The following CALN1 variants were observed in gnomAD, a reference collection of about 807,000 sequenced individuals.
CALN1 encodes the protein calcium-binding protein 8.
CALN1 carries 17 observed loss-of-function variants against 30.6 expected under a neutral mutation model. That is an observed-to-expected ratio of 0.56 (90% CI 0.38 to 0.83). The LOEUF is 0.83. Ranked by LOEUF, CALN1 falls within the 40% of genes least tolerant of loss-of-function variation. The pLI is 0.00. For missense variants in CALN1, 291 were observed against 354.9 expected, an observed-to-expected ratio of 0.82 and a Z score of 1.45; for synonymous variants, 156 against 131.4, an observed-to-expected ratio of 1.19 and a Z score of -1.28.
intron 2 of CALN1, among the ~76,000 whole-genome samples, chr7:72,373,112 T>C (rs1186007184): frequency 1.3e-5 from 2 of 152,054 alleles, no homozygotes; most frequent in African/African-American, 4.8e-5. Flanking sequence ...ATAACCAAAA[T>C]TTAAAAAACA....
At chr7:72,411,792 A>G (rs1042359519) in intron 1 of CALN1, among the ~76,000 whole-genome samples, 2 of 149,418 alleles carry the variant, frequency 1.3e-5, no homozygotes, top group Admixed American at 6.6e-5. Flanking sequence ...TAAAGTAATT[A>G]CTCTTTTAAA....
intron 2 of CALN1, among the ~76,000 whole-genome samples, chr7:72,391,797 G>T (rs954324531): frequency 6.6e-6 from 1 of 152,060 alleles, no homozygotes. Context: ...CACACCCCCA[G>T]CCACATGGAA....
At chr7:72,314,979 T>TCCA (rs1332834906) in intron 2 of CALN1, among the ~76,000 whole-genome samples, 1 of 97,290 alleles carries the variant, frequency 1.0e-5, no homozygotes, top group Non-Finnish European at 1.9e-5. Flanking sequence ...GACCCATCTC[T>TCCA]ACAAAAAAAA....
At chr7:72,262,862 C>A (rs1796356823) in intron 3 of CALN1, among the ~76,000 whole-genome samples, 1 of 152,178 alleles carries the variant, frequency 6.6e-6, no homozygotes, top group Non-Finnish European at 1.5e-5. Context: ...ACAGCCACTG[C>A]GATACAAAGT....
intron 2 of CALN1, among the ~76,000 whole-genome samples, chr7:72,341,847 T>C (rs1053929701): frequency 5.9e-5 from 9 of 152,174 alleles, no homozygotes; most frequent in Admixed American, 6.5e-5. Context: ...CAATAAATGT[T>C]GGCTGTTGTT....
At chr7:71,828,268 C>A (rs533546956) in intron 5 of CALN1, among the ~76,000 whole-genome samples, 11 of 152,154 alleles carry the variant, frequency 7.2e-5, no homozygotes, top group Admixed American at 1.3e-4. Context: ...TGTGAGAACT[C>A]CAGAGAATAT....
chr7:72,452,932 C>T, the CALN1 span, among the ~76,000 whole-genome samples: 3 of 152,052 alleles, frequency 2.0e-5, no homozygotes, highest in African/African-American at 7.2e-5. Flanking sequence ...TCCTACCTGC[C>T]GGCTTCCTGT....
intron 2 of CALN1, among the ~76,000 whole-genome samples, chr7:72,305,336 G>T (rs778767439): frequency 6.6e-6 from 1 of 152,210 alleles, no homozygotes; most frequent in Non-Finnish European, 1.5e-5. Flanking sequence ...CTTTCTGAAA[G>T]TAATTACACA....
chr7:72,286,147 G>T (rs1798065769), intron 2 of CALN1, among the ~76,000 whole-genome samples: 1 of 152,172 alleles, frequency 6.6e-6, no homozygotes, highest in South Asian at 2.1e-4. Context: ...ACAGGGATAA[G>T]AAGAGATTGT....
At chr7:71,993,480 G>A (rs1406091774) in intron 5 of CALN1, among the ~76,000 whole-genome samples, 5 of 139,662 alleles carry the variant, frequency 3.6e-5, no homozygotes, top group Non-Finnish European at 6.2e-5. Context: ...TGTCTGTCAT[G>A]GAGTCTCACT....
intron 5 of CALN1, among the ~76,000 whole-genome samples, chr7:71,993,557 A>G (rs1339923461): frequency 1.3e-5 from 2 of 151,866 alleles, no homozygotes; most frequent in Middle Eastern, 3.4e-3. Context: ...CCCGGGTTCA[A>G]GCGATTCTCC....
intron 3 of CALN1, among the ~76,000 whole-genome samples, chr7:72,145,784 G>A (rs1484301008): frequency 1.3e-5 from 2 of 152,072 alleles, no homozygotes; most frequent in Non-Finnish European, 2.9e-5. Context: ...TGATCAAGTG[G>A]GCTTCATCCC....
chr7:71,998,574 C>CT (rs61218281), intron 5 of CALN1, among the ~76,000 whole-genome samples: 4,814 of 142,674 alleles, frequency 0.034, 193 homozygotes, highest in African/African-American at 0.094. Context: ...AACAGATATA[C>CT]TTTTTTTTTT....
chr7:72,358,791 A>C (rs1399833877), intron 2 of CALN1, among the ~76,000 whole-genome samples: 1 of 152,054 alleles, frequency 6.6e-6, no homozygotes. Context: ...TCTACTAAAA[A>C]TACAAAAATT....
chr7:71,976,786 G>T (rs551728031), intron 5 of CALN1, among the ~76,000 whole-genome samples: 1 of 152,280 alleles, frequency 6.6e-6, no homozygotes, highest in East Asian at 1.9e-4. Context: ...GACTGAAATC[G>T]ATTGGAACCA....
At chr7:71,830,395 T>C (rs1366804137) in intron 5 of CALN1, among the ~76,000 whole-genome samples, 2 of 151,944 alleles carry the variant, frequency 1.3e-5, no homozygotes, top group Non-Finnish European at 2.9e-5. Context: ...TTGCCCAGGC[T>C]GGAGTGCGGT....
intron 5 of CALN1, among the ~76,000 whole-genome samples, chr7:71,952,609 G>A (rs80327083): frequency 0.041 from 6,216 of 152,248 alleles, 204 homozygotes; most frequent in African/African-American, 0.088. Context: ...AGGAAGCCAT[G>A]GCTGCATTAC....
chr7:71,854,954 C>G (rs181559142), intron 5 of CALN1, among the ~76,000 whole-genome samples: 1 of 152,262 alleles, frequency 6.6e-6, no homozygotes, highest in East Asian at 1.9e-4. Flanking sequence ...CAATTCAAAA[C>G]GATGCTAACC....
At chr7:71,807,067 A>G (rs933555390) in intron 6 of CALN1, among the ~76,000 whole-genome samples, 27 of 152,220 alleles carry the variant, frequency 1.8e-4, no homozygotes, top group Non-Finnish European at 1.5e-4. Context: ...AAAAGAGGAT[A>G]GGGAGGAGTT....
Sources: allele counts gnomAD v4.1 joint callset (sites outside exome capture counted in the v4.1 genomes callset), GRCh38; gene constraint gnomAD v4.1.1; transcripts MANE v1.5; gene names NCBI Gene and HGNC (gene_info 2026-07-23, HGNC 2026-07-21).